The following FRY variants were observed in gnomAD, a reference collection of about 807,000 sequenced individuals.
The protein encoded by FRY is FRY microtubule binding protein, also known as protein furry homolog.
Under a neutral mutation model 348.4 loss-of-function variants are expected in FRY, and 128 were observed. That is an observed-to-expected ratio of 0.37 (90% CI 0.32 to 0.43). The LOEUF (loss-of-function observed/expected upper bound fraction) is 0.43. Among genes scored for constraint, FRY ranks in the 20% least tolerant of loss-of-function variants. FRY has a pLI of 1.00. For synonymous variants in FRY, 1,370 were observed against 1,374.7 expected, an observed-to-expected ratio of 1.00 and a Z score of 0.08; for missense variants, 2,736 against 3,695.2, an observed-to-expected ratio of 0.74 and a Z score of 6.73.
intron 41 of FRY, 105 bp downstream of exon 41, chr13:32,231,405 T>G: frequency 9.1e-7 from 1 of 1,096,706 alleles, no homozygotes; most frequent in Non-Finnish European, 1.4e-6. Flanking sequence ...GCACTCCACA[T>G]CCATAGCACG....
At chr13:32,254,156 T>TA in intron 50 of FRY, 68 bp from the exon 51 acceptor site, 4 of 1,476,832 alleles carry the variant, frequency 2.7e-6, no homozygotes, top group Non-Finnish European at 3.8e-6. Flanking sequence ...AAGAGCCAAT[T>TA]ACAATTTTTC....
chr13:32,200,520 A>G (rs1024906390), intron 29 of FRY, among the ~76,000 whole-genome samples: 5 of 152,120 alleles, frequency 3.3e-5, no homozygotes, highest in Non-Finnish European at 4.4e-5. Flanking sequence ...CCAGGAGGTG[A>G]AGACAGCAGT....
chr13:32,069,225 A>G (rs574599489), intron 1 of FRY, among the ~76,000 whole-genome samples: 24 of 152,142 alleles, frequency 1.6e-4, no homozygotes, highest in Admixed American at 9.2e-4. Flanking sequence ...CATATGTTCA[A>G]TTCTTTTTCG....
chr13:32,168,121 G>A (rs1881852795), intron 17 of FRY, among the ~76,000 whole-genome samples: 2 of 152,182 alleles, frequency 1.3e-5, no homozygotes, highest in Admixed American at 6.5e-5. Flanking sequence ...TTCATGGGGG[G>A]CCAGCAAGCT....
chr13:32,050,080 A>T (rs1439642125), intron 1 of FRY, among the ~76,000 whole-genome samples: 1 of 152,226 alleles, frequency 6.6e-6, no homozygotes, highest in African/African-American at 2.4e-5. Context: ...TAAAGCCCCT[A>T]TACATTCATT....
Position 32,159,129 on chromosome 13 carries a change from T to C in FRY, c.1784+1724T>C, listed in dbSNP as rs550299777. On this transcript the variant is annotated intron_variant, in intron 16 of 60. Coordinates refer to ENST00000542859, the MANE Select transcript of FRY (RefSeq NM_023037.3). The stretch of plus-strand genomic sequence containing the variant: ...AATGTTCAAACTTTTTCTAAGGTTC[T>C]TCTTTACTTTTTCCTATTCAAACAT... 2.6e-5 allele frequency among the ~76,000 whole-genome samples: 4 copies of C among 152,256 alleles called. No homozygotes were observed. The South Asian group carries it at 6.2e-4, about 24-fold the overall frequency.
intron 17 of FRY, among the ~76,000 whole-genome samples, chr13:32,168,501 T>C (rs1296326212): frequency 1.3e-5 from 2 of 152,236 alleles, no homozygotes; most frequent in Non-Finnish European, 2.9e-5. Context: ...CAGAGCTCTA[T>C]ATAAACTTTT....
intron 1 of FRY, among the ~76,000 whole-genome samples, chr13:32,063,690 C>A (rs1874077551): frequency 6.6e-6 from 1 of 152,214 alleles, no homozygotes; most frequent in African/African-American, 2.4e-5. Flanking sequence ...GGGCCAGAAT[C>A]TGCACTTTAA....
intron 55 of FRY, among the ~76,000 whole-genome samples, 195 bp from the exon 56 acceptor site, chr13:32,274,647 T>G (rs1482705122): frequency 1.5e-5 from 2 of 129,396 alleles, no homozygotes; most frequent in Admixed American, 1.0e-4. Flanking sequence ...GAGCTTGCAG[T>G]GAGCCGAGAT....
At chr13:32,081,525 A>AAC (rs1875493542) in intron 2 of FRY, among the ~76,000 whole-genome samples, 1 of 152,104 alleles carries the variant, frequency 6.6e-6, no homozygotes, top group Admixed American at 6.5e-5. Context: ...GAGTTTCACC[A>AAC]TGTTGGCCAG....
chr13:32,265,045 T>A (rs2138556776), intron 53 of FRY, among the ~76,000 whole-genome samples: 1 of 152,334 alleles, frequency 6.6e-6, no homozygotes, highest in East Asian at 1.9e-4. Context: ...GTGTTTCTTG[T>A]CCCAGCTCCA....
intron 1 of FRY, among the ~76,000 whole-genome samples, chr13:32,044,671 T>A (rs953628105): frequency 6.6e-6 from 1 of 152,226 alleles, no homozygotes; most frequent in East Asian, 1.9e-4. Context: ...AAGAGCCAGA[T>A]GCTTGCTTGC....
chr13:32,124,228 T>G, intron 4 of FRY, 58 bp from the exon 5 acceptor site: 1 of 1,028,724 alleles, frequency 9.7e-7, no homozygotes, highest in Non-Finnish European at 1.5e-6. Flanking sequence ...TTTTATGAAT[T>G]GTATTACTCT....
intron 13 of FRY, among the ~76,000 whole-genome samples, chr13:32,148,383 G>T (rs569704652): frequency 5.9e-5 from 9 of 152,300 alleles, no homozygotes; most frequent in African/African-American, 2.2e-4. Context: ...CTATGAAAAA[G>T]AATTTAATAG....
intron 1 of FRY, among the ~76,000 whole-genome samples, chr13:32,064,164 T>C (rs901468321): frequency 6.6e-6 from 1 of 152,118 alleles, no homozygotes; most frequent in Non-Finnish European, 1.5e-5. Flanking sequence ...TACAAACTGT[T>C]AGCAGAGGGG....
At chr13:32,093,758 G>C (rs1481923093) in intron 2 of FRY, among the ~76,000 whole-genome samples, 1 of 152,186 alleles carries the variant, frequency 6.6e-6, no homozygotes, top group African/African-American at 2.4e-5. Context: ...CAGTGAGCTG[G>C]GGCATCTGGT....
intron 29 of FRY, among the ~76,000 whole-genome samples, chr13:32,195,026 A>G (rs1883590742): frequency 6.6e-6 from 1 of 152,208 alleles, no homozygotes. Context: ...ATCTTGAGCT[A>G]CCAGATCAAG....
intron 15 of FRY, among the ~76,000 whole-genome samples, 179 bp downstream of exon 15, chr13:32,155,841 T>C (rs935185182): frequency 6.6e-6 from 1 of 151,760 alleles, no homozygotes; most frequent in Non-Finnish European, 1.5e-5. Context: ...TCTTTAAACT[T>C]TTTAGAACTT....
At chr13:32,044,864 G>A (rs1872937204) in intron 1 of FRY, among the ~76,000 whole-genome samples, 1 of 152,192 alleles carries the variant, frequency 6.6e-6, no homozygotes, top group East Asian at 1.9e-4. Context: ...CATCTGAGAT[G>A]ATTTTAAGCT....
Sources: gnomAD v4.1 joint callset for allele counts (sites outside exome capture counted in the v4.1 genomes callset) on GRCh38, gnomAD v4.1.1 for gene constraint, MANE v1.5 for transcripts, NCBI Gene and HGNC (gene_info 2026-07-23, HGNC 2026-07-21) for gene names.